Variants in AGPAT4 observed in about 807,000 individuals in gnomAD.
AGPAT4 encodes 1-acylglycerol-3-phosphate O-acyltransferase 4.
In AGPAT4, 15 loss-of-function variants were observed where a neutral mutation model predicts 48.0. The ratio of observed to expected loss-of-function variants is 0.31; its 90% CI spans 0.21 to 0.48. The LOEUF (loss-of-function observed/expected upper bound fraction) is 0.48. AGPAT4 is among the 20% of genes least tolerant of loss of function. The pLI is 0.99. For synonymous variants in AGPAT4, 178 were observed against 198.7 expected, an observed-to-expected ratio of 0.90 and a Z score of 0.88; for missense variants, 314 against 482.5, an observed-to-expected ratio of 0.65 and a Z score of 3.27.
intron 1 of AGPAT4, among the ~76,000 whole-genome samples, chr6:161,269,514 G>GC (rs1281708324): frequency 6.6e-6 from 1 of 152,170 alleles, no homozygotes; most frequent in East Asian, 1.9e-4. Context: ...GGTGGCTCAC[G>GC]CCTGCAGTCC....
chr6:161,253,514 A>G (rs918034091), intron 1 of AGPAT4, among the ~76,000 whole-genome samples: 3 of 151,940 alleles, frequency 2.0e-5, no homozygotes, highest in African/African-American at 4.8e-5. Flanking sequence ...TCAGCCTCCC[A>G]AAGTGCTGGG....
At chr6:161,172,090 G>A (rs1375138800) in intron 2 of AGPAT4, among the ~76,000 whole-genome samples, 1 of 152,098 alleles carries the variant, frequency 6.6e-6, no homozygotes, top group Admixed American at 6.6e-5. Flanking sequence ...GTAGTTAATT[G>A]AAAAATAGTA....
rs1177298962 is a variant in AGPAT4, at chr6:161,261,718, T to C, written c.-90+12220A>G. 6.6e-6 allele frequency among the ~76,000 whole-genome samples: 1 copy of C among 152,204 alleles called. No homozygotes were observed. Among genetic ancestry groups the C allele is most frequent in the African/African-American group, 2.4e-5 (1 of 41,444 alleles). ...GCTCTACCTCTTTTCTAGGAATACA[T>C]GTTTGTAAGGGGGTTTCCTCCACCT... On this transcript the variant is annotated intron_variant, in intron 1 of 8. Transcript: ENST00000320285. This position sits in a 1 kb window ranked among gnomAD's most constrained non-coding sequence, Gnocchi z 5.3.
intron 2 of AGPAT4, among the ~76,000 whole-genome samples, chr6:161,176,983 G>A (rs985552314): frequency 1.3e-5 from 2 of 152,180 alleles, no homozygotes; most frequent in Non-Finnish European, 2.9e-5. Context: ...ACTCTCTTCT[G>A]GCGTGTAGAG....
rs1778992562 is a variant in AGPAT4 at position 161,134,298 on chromosome 6, C to T, written c.*2242G>A. 1 of 152,192 alleles carries T rather than the reference C, an allele frequency of 6.6e-6. No homozygotes were observed. Among genetic ancestry groups the T allele is most frequent in the Non-Finnish European group, 1.5e-5 (1 of 68,050 alleles). 9.4% of individuals were successfully genotyped at this position (152,192 alleles called of 1,614,324 possible). ...TGCTTGCTTGTGTGTTGTGTGATAC[C>T]AGAGCCAATTCAGAAGAAAATTGAA... On this transcript the variant is annotated 3_prime_UTR_variant, in exon 9 of 9. Coordinates refer to ENST00000320285, the MANE Select transcript of AGPAT4 (RefSeq NM_020133.3).
Position 161,136,434 on chromosome 6 carries a change from GCCCAGCAGGGGCTCA to G in AGPAT4, c.*91_*105del. Reference sequence around the variant, plus strand: ...CTGGAGAGGTCGTGACTTCCGCCGTGCCCAGCAGGGGCTCACCCAGCCTTTGTCACCGTGTCCCAC... The same window carrying G: ...CTGGAGAGGTCGTGACTTCCGCCGTGCCCAGCCTTTGTCACCGTGTCCCAC... On this transcript the variant is annotated 3_prime_UTR_variant, in exon 9 of 9. Transcript: ENST00000320285. 3 of 994,994 alleles carry G rather than the reference GCCCAGCAGGGGCTCA, an allele frequency of 3.0e-6. No homozygotes were observed. Among genetic ancestry groups the G allele is most frequent in the Non-Finnish European group, 4.7e-6 (3 of 644,438 alleles). The allele number at this position is 994,994 out of a possible 1,614,324, so 61.6% of individuals were successfully genotyped here. A position where few individuals can be genotyped will look rare whatever the true frequency, so the allele number is the denominator to read the frequency against.
intron 1 of AGPAT4, among the ~76,000 whole-genome samples, chr6:161,248,629 G>A (rs933636713): frequency 3.4e-5 from 5 of 148,472 alleles, no homozygotes; most frequent in East Asian, 2.0e-4. Context: ...GTGAAAGATC[G>A]CTACAAGGAG....
Position 161,207,456 on chromosome 6 carries a change from T to G in AGPAT4, c.178+24580A>C, listed in dbSNP as rs138979817. On this transcript the variant is annotated intron_variant, in intron 2 of 8. Transcript: ENST00000320285. Reference sequence around the variant, plus strand: ...GCTGTGAAGATGCTATAAAGCTGGGTGAACACATTTAGTAAGAAGATAAAA... The same window carrying G: ...GCTGTGAAGATGCTATAAAGCTGGGGGAACACATTTAGTAAGAAGATAAAA... Among the ~76,000 whole-genome samples, 11 of 152,282 alleles carry G rather than the reference T, an allele frequency of 7.2e-5. No homozygotes were observed. The East Asian group carries it at 2.1e-3, about 29-fold the overall frequency.
intron 2 of AGPAT4, among the ~76,000 whole-genome samples, chr6:161,203,512 C>G (rs370144348): frequency 1.3e-5 from 2 of 151,788 alleles, no homozygotes; most frequent in South Asian, 2.1e-4. Flanking sequence ...CCCCGGCCCC[C>G]CAAGAAGCTG....
chr6:161,219,537 C>T lies in AGPAT4; in HGVS notation c.178+12499G>A, dbSNP rs973048461. ...CCTTACAAGACACCAAAGTCAAACT[C>T]ACAACCTAATTTAAAAGCCGTAACT... On this transcript the variant is annotated intron_variant, in intron 2 of 8. Coordinates refer to ENST00000320285, the MANE Select transcript of AGPAT4 (RefSeq NM_020133.3). The surrounding 1 kb of genome is among the most constrained non-coding windows in gnomAD (Gnocchi z 4.9). 9.9e-5 allele frequency among the ~76,000 whole-genome samples: 15 copies of T among 152,222 alleles called. No individual in the cohort carries two copies. The highest frequency in any genetic ancestry group is 3.6e-4 in the African/African-American group (15 of 41,530).
At position 161,184,867 on chromosome 6, in the gene AGPAT4, A is replaced by G. The variant is rs1780723217; in HGVS notation, c.179-18450T>C. Among the ~76,000 whole-genome samples the G allele has an allele frequency of 6.6e-6, 1 of 152,046 alleles. No homozygotes were observed. The highest frequency in any genetic ancestry group is 2.4e-5 in the African/African-American group (1 of 41,394). On this transcript the variant is annotated intron_variant, in intron 2 of 8. Transcript: ENST00000320285. The surrounding 1 kb of genome is among the most constrained non-coding windows in gnomAD (Gnocchi z 4.8). ...TGGTGTGTGTAGTATTCCTGGGAAA[A>G]CTGTCAAACTCAAAGTATCAAGCAC...
chr6:161,190,077 A>G (rs1780877880), intron 2 of AGPAT4, among the ~76,000 whole-genome samples: 1 of 152,182 alleles, frequency 6.6e-6, no homozygotes, highest in South Asian at 2.1e-4. Context: ...TGTCATTTAG[A>G]TGAGCTGTAT....
chr6:161,228,225 G>A (rs549482099), intron 2 of AGPAT4, among the ~76,000 whole-genome samples: 1 of 152,338 alleles, frequency 6.6e-6, no homozygotes, highest in East Asian at 1.9e-4. Flanking sequence ...GACTCAGAGA[G>A]TTTCTGTGGC....
Position 161,234,272 on chromosome 6 carries a change from T to C in AGPAT4, c.-89-1970A>G, listed in dbSNP as rs1782205841. On this transcript the variant is annotated intron_variant, in intron 1 of 8. Transcript: ENST00000320285. This position sits in a 1 kb window ranked among gnomAD's most constrained non-coding sequence, Gnocchi z 4.4. ...GCAGGCTGCATTCCTGCAAGATTCC[T>C]ATACATTTCTGATAGGAGGGAAATG... Among the ~76,000 whole-genome samples the C allele has an allele frequency of 1.3e-5, 2 of 152,312 alleles. No homozygotes were observed. The highest frequency in any genetic ancestry group is 2.1e-4 in the South Asian group (1 of 4,830).
Position 161,242,282 on chromosome 6 carries a change from G to A in AGPAT4, c.-89-9980C>T, listed in dbSNP as rs1416501816. 6.6e-6 allele frequency among the ~76,000 whole-genome samples: 1 copy of A among 152,182 alleles called. No homozygotes were observed. The highest frequency in any genetic ancestry group is 1.5e-5 in the Non-Finnish European group (1 of 68,034). On this transcript the variant is annotated intron_variant, in intron 1 of 8. Coordinates refer to ENST00000320285, the MANE Select transcript of AGPAT4 (RefSeq NM_020133.3). The surrounding 1 kb of genome is among the most constrained non-coding windows in gnomAD (Gnocchi z 5.0). ...GTCTCACGCTTTTAACCAGTCTCAC[G>A]CTCTTAATGCTGCCTATAAGACAAG...
intron 2 of AGPAT4, among the ~76,000 whole-genome samples, chr6:161,181,504 A>G (rs6901106): frequency 0.89 from 125,388 of 141,670 alleles, 54,806 homozygotes; most frequent in East Asian, 0.98. Context: ...TGGGGGTAGC[A>G]GGGGGCGGGG....
At chr6:161,162,705 C>G (rs1323024220) in intron 3 of AGPAT4, among the ~76,000 whole-genome samples, 1 of 152,216 alleles carries the variant, frequency 6.6e-6, no homozygotes, top group Admixed American at 6.5e-5. Flanking sequence ...CTTTAAGGAT[C>G]TGAAGACAAA....
Position 161,158,862 on chromosome 6 carries a change from C to A in AGPAT4, c.349-4552G>T, listed in dbSNP as rs970442752. Among the ~76,000 whole-genome samples the A allele has an allele frequency of 6.6e-6, 1 of 152,142 alleles. No homozygotes were observed. Among genetic ancestry groups the A allele is most frequent in the Non-Finnish European group, 1.5e-5 (1 of 68,018 alleles). Reference sequence around the variant, plus strand: ...GCAGCAGGGTATCCTGCTCCTGCACCGCCTCCACCCCCACTAACACCAGCA... The same window carrying A: ...GCAGCAGGGTATCCTGCTCCTGCACAGCCTCCACCCCCACTAACACCAGCA... On this transcript the variant is annotated intron_variant, in intron 3 of 8. Transcript: ENST00000320285. This position sits in a 1 kb window ranked among gnomAD's most constrained non-coding sequence, Gnocchi z 5.3.
chr6:161,205,715 A>G (rs993099930), intron 2 of AGPAT4, among the ~76,000 whole-genome samples: 3 of 149,728 alleles, frequency 2.0e-5, no homozygotes, highest in Admixed American at 6.7e-5. Flanking sequence ...AGAAGAAAAA[A>G]GCCACAGAAA....
Sources: allele counts gnomAD v4.1 joint callset (sites outside exome capture counted in the v4.1 genomes callset), GRCh38; gene constraint gnomAD v4.1.1; non-coding constraint Gnocchi (gnomAD v3.1); transcripts MANE v1.5; gene names NCBI Gene and HGNC (gene_info 2026-07-23, HGNC 2026-07-21).